The following PLEKHA6 variants were observed in gnomAD, a reference collection of about 807,000 sequenced individuals.
PLEKHA6 encodes pleckstrin homology domain-containing family A member 6.
In PLEKHA6, 60 loss-of-function variants were observed where a neutral mutation model predicts 116.7. The ratio of observed to expected loss-of-function variants is 0.51; its 90% CI spans 0.42 to 0.64. The LOEUF (loss-of-function observed/expected upper bound fraction) is 0.64. PLEKHA6 is among the 30% of genes least tolerant of loss of function. PLEKHA6 has a pLI of 0.00. For missense variants in PLEKHA6, 1,338 were observed against 1,422.7 expected, an observed-to-expected ratio of 0.94 and a Z score of 0.96; for synonymous variants, 489 against 556.1, an observed-to-expected ratio of 0.88 and a Z score of 1.70.
chr1:204,358,920 T>G (rs1314612888), intron 1 of PLEKHA6, among the ~76,000 whole-genome samples: 1 of 122,214 alleles, frequency 8.2e-6, no homozygotes, highest in Non-Finnish European at 1.7e-5. Flanking sequence ...GCCACTTTCC[T>G]GTCTCGCCCC....
chr1:204,289,554 C>G (rs933867316), intron 1 of PLEKHA6, among the ~76,000 whole-genome samples: 1 of 152,188 alleles, frequency 6.6e-6, no homozygotes, highest in African/African-American at 2.4e-5. Flanking sequence ...GCTGGCTGGC[C>G]GGGTTCCTTA....
At chr1:204,356,827 T>C (rs1673429253) in intron 1 of PLEKHA6, among the ~76,000 whole-genome samples, 1 of 152,192 alleles carries the variant, frequency 6.6e-6, no homozygotes, top group Admixed American at 6.5e-5. Flanking sequence ...AATGACAATG[T>C]ATTACTTTTA....
chr1:204,251,596 T>G lies in PLEKHA6; in HGVS notation c.1525-982A>C, dbSNP rs771349181. 4 of 702,444 alleles carry G rather than the reference T, an allele frequency of 5.7e-6. No individual in the cohort carries two copies. In the South Asian group the frequency reaches 5.9e-5, roughly 10 times the overall value. The allele number at this position is 702,444 out of a possible 1,614,324, so 43.5% of individuals were successfully genotyped here. Reference sequence around the variant, plus strand: ...ATGCGGTTCACCATACTGATGAGAGTCTCGCTCTCACTCATCTGCAGCAGA... The same window carrying G: ...ATGCGGTTCACCATACTGATGAGAGGCTCGCTCTCACTCATCTGCAGCAGA... On this transcript the variant is annotated intron_variant, in intron 9 of 22. Transcript: ENST00000272203.
At chr1:204,337,725 A>G (rs1309335711) in intron 1 of PLEKHA6, among the ~76,000 whole-genome samples, 1 of 151,750 alleles carries the variant, frequency 6.6e-6, no homozygotes. Context: ...TTGGGGGGGG[A>G]ATCCAGGGAA....
At chr1:204,317,110 G>T in intron 1 of PLEKHA6, 1 of 291,046 alleles carries the variant, frequency 3.4e-6, no homozygotes, top group Non-Finnish European at 5.1e-6. Context: ...TGGAACCTGT[G>T]CTCACCAAAT....
At chr1:204,283,566 T>C (rs1483695631) in intron 1 of PLEKHA6, among the ~76,000 whole-genome samples, 2 of 152,298 alleles carry the variant, frequency 1.3e-5, no homozygotes, top group Middle Eastern at 3.4e-3. Flanking sequence ...GTCCCAGCTA[T>C]AGTGACAGGA....
intron 9 of PLEKHA6, among the ~76,000 whole-genome samples, chr1:204,253,313 A>G (rs1430631715): frequency 6.6e-6 from 1 of 151,718 alleles, no homozygotes; most frequent in Non-Finnish European, 1.5e-5. Context: ...ACTAAGTGAC[A>G]TTTCCAAGAT....
chr1:204,237,498 C>T (rs1662225150), intron 17 of PLEKHA6, among the ~76,000 whole-genome samples: 1 of 152,238 alleles, frequency 6.6e-6, no homozygotes, highest in South Asian at 2.1e-4. Context: ...GTGCAGAAGA[C>T]TCATGGATCT....
At chr1:204,246,393 C>G (rs374021955) in intron 13 of PLEKHA6, among the ~76,000 whole-genome samples, 41 of 152,220 alleles carry the variant, frequency 2.7e-4, no homozygotes, top group African/African-American at 9.9e-4. Flanking sequence ...CTATTTGGAC[C>G]CGAAGTTAGC....
chr1:204,327,471 G>A (rs1352518510), intron 1 of PLEKHA6, among the ~76,000 whole-genome samples: 1 of 152,236 alleles, frequency 6.6e-6, no homozygotes, highest in Admixed American at 6.5e-5. Flanking sequence ...GCCCCTTCTG[G>A]GAGCCCCTTC....
At chr1:204,245,531 G>C (rs1335757003) in intron 14 of PLEKHA6, 84 bp downstream of exon 14, 2 of 794,292 alleles carry the variant, frequency 2.5e-6, no homozygotes, top group Admixed American at 3.8e-5. Context: ...AGTGTGAGCT[G>C]GCAGGAGTGG....
chr1:204,311,752 A>C (rs1671665948), intron 1 of PLEKHA6: 1 of 746,534 alleles, frequency 1.3e-6, no homozygotes, highest in Non-Finnish European at 1.6e-6. Flanking sequence ...CCCAACATGA[A>C]AGCCCTAAGA....
intron 1 of PLEKHA6, among the ~76,000 whole-genome samples, chr1:204,314,984 G>A (rs970696509): frequency 1.3e-5 from 2 of 152,168 alleles, no homozygotes; most frequent in Non-Finnish European, 2.9e-5. Flanking sequence ...GGCTCGGAAC[G>A]CTGGCACACA....
chr1:204,307,806 C>T (rs896029748), intron 1 of PLEKHA6: 4 of 919,364 alleles, frequency 4.4e-6, no homozygotes, highest in Admixed American at 6.2e-5. Flanking sequence ...GGGAGAGAGC[C>T]CTGCCAGGTG....
Position 204,259,839 on chromosome 1 carries a change from G to A in PLEKHA6, c.525-99C>T, listed in dbSNP as rs1665884485. On this transcript the variant is annotated intron_variant, in intron 7 of 22. Transcript: ENST00000272203. The surrounding 1 kb of genome is among the most constrained non-coding windows in gnomAD (Gnocchi z 4.6). The stretch of plus-strand genomic sequence containing the variant: ...GAAGAAGAGGAGTGGGGAAGGATGG[G>A]CAGGGAGGTGGCTGGAACCAGGATT... 2 of 1,304,730 alleles carry A rather than the reference G, an allele frequency of 1.5e-6. No homozygotes were observed. The highest frequency in any genetic ancestry group is 2.1e-6 in the Non-Finnish European group (2 of 962,554). The allele number at this position is 1,304,730 out of a possible 1,614,324, so 80.8% of individuals were successfully genotyped here.
intron 1 of PLEKHA6, chr1:204,320,300 C>T (rs945130206): frequency 1.3e-5 from 2 of 156,058 alleles, no homozygotes; most frequent in Admixed American, 6.5e-5. Context: ...GACCCCTCCA[C>T]TTGACTCCCA....
chr1:204,346,682 G>T, intron 1 of PLEKHA6: 1 of 701,204 alleles, frequency 1.4e-6, no homozygotes, highest in Non-Finnish European at 2.6e-6. Flanking sequence ...CTCAGAAACA[G>T]ACTCTTTGTA....
At chr1:204,254,352 G>A (rs1326541585) in intron 9 of PLEKHA6, among the ~76,000 whole-genome samples, 2 of 152,156 alleles carry the variant, frequency 1.3e-5, no homozygotes, top group African/African-American at 4.8e-5. Context: ...TTACAAAATC[G>A]AATTGCGACA....
chr1:204,338,784 A>G (rs532663682), intron 1 of PLEKHA6, among the ~76,000 whole-genome samples: 25 of 152,310 alleles, frequency 1.6e-4, no homozygotes, highest in Non-Finnish European at 3.4e-4. Flanking sequence ...GCTTCTGTGG[A>G]AATGAAGGGG....
Sources: gnomAD v4.1 joint callset for allele counts (sites outside exome capture counted in the v4.1 genomes callset) on GRCh38, gnomAD v4.1.1 for gene constraint, Gnocchi (gnomAD v3.1) non-coding constraint, MANE v1.5 for transcripts, NCBI Gene and HGNC (gene_info 2026-07-23, HGNC 2026-07-21) for gene names.